The following TRDN variants were observed in gnomAD, a reference collection of about 807,000 sequenced individuals.
TRDN encodes triadin in skeletal muscle.
Under a neutral mutation model 149.7 loss-of-function variants are expected in TRDN, and 161 were observed. The observed-to-expected ratio is 1.08, with a 90% CI of 0.95 to 1.23. The LOEUF (loss-of-function observed/expected upper bound fraction) is 1.23. Ranked by LOEUF, TRDN falls within the 50% of genes most tolerant of loss-of-function variation. The probability of loss-of-function intolerance (pLI) is 0.00; values close to 1 mark genes in which losing one functional copy is unlikely to be tolerated. For missense variants in TRDN, 896 were observed against 823.5 expected, an observed-to-expected ratio of 1.09 and a Z score of -1.08; for synonymous variants, 294 against 250.5, an observed-to-expected ratio of 1.17 and a Z score of -1.64.
intron 38 of TRDN, among the ~76,000 whole-genome samples, chr6:123,250,155 CA>C: frequency 6.6e-6 from 1 of 152,100 alleles, no homozygotes; most frequent in East Asian, 1.9e-4. Flanking sequence ...AAGATCTCTA[CA>C]AGGAAAACTA....
At chr6:123,432,839 T>C (rs1189835262) in intron 12 of TRDN, among the ~76,000 whole-genome samples, 1 of 152,096 alleles carries the variant, frequency 6.6e-6, no homozygotes, top group Non-Finnish European at 1.5e-5. Flanking sequence ...TCTTAACTTT[T>C]CCTTTAATAT....
intron 8 of TRDN, chr6:123,498,725 C>A: frequency 2.5e-6 from 1 of 405,098 alleles, no homozygotes; most frequent in Non-Finnish European, 5.2e-6. Flanking sequence ...CTGAACAAAA[C>A]TGTAGAACTG....
At chr6:123,338,860 AG>A (rs1017018498) in intron 21 of TRDN, among the ~76,000 whole-genome samples, 70 of 152,302 alleles carry the variant, frequency 4.6e-4, no homozygotes, top group African/African-American at 1.5e-3. Context: ...TATAGATAAT[AG>A]GGAAAGAATT....
chr6:123,259,655 C>T lies in TRDN; in HGVS notation c.1839G>A (p.Lys613=), dbSNP rs901388998. Reference sequence around the variant, plus strand: ...TTTCTTTTTCAGATATTTCAGTTTTCTTCTTTCCTAGGGGAAAGAAAAACA... The same window carrying T: ...TTTCTTTTTCAGATATTTCAGTTTTTTTCTTTCCTAGGGGAAAGAAAAACA... ...GTSEVTESGK[K]KTEISEKESK... Residue 613 remains lysine (K), a synonymous_variant, in exon 35 of 41, where the codon AAG becomes AAA. Coordinates refer to ENST00000334268, the MANE Select transcript of TRDN (RefSeq NM_006073.4). 6.8e-7 allele frequency: 1 copy of T among 1,467,190 alleles called. No individual in the cohort carries two copies. Among genetic ancestry groups the T allele is most frequent in the Non-Finnish European group, 9.2e-7 (1 of 1,085,292 alleles). 90.9% of individuals were successfully genotyped at this position (1,467,190 alleles called of 1,614,324 possible).
intron 13 of TRDN, among the ~76,000 whole-genome samples, chr6:123,389,032 G>C (rs1168085972): frequency 2.0e-5 from 3 of 151,970 alleles, no homozygotes; most frequent in African/African-American, 7.2e-5. Flanking sequence ...TTTCAGGAAG[G>C]GAAAATAAAT....
At chr6:123,485,860 AT>A (rs1047282124) in intron 9 of TRDN, among the ~76,000 whole-genome samples, 2 of 151,782 alleles carry the variant, frequency 1.3e-5, no homozygotes, top group African/African-American at 4.8e-5. Context: ...ATTCTATTTA[AT>A]TTTTTTCTCT....
At chr6:123,579,519 G>A (rs1266597288) in intron 1 of TRDN, among the ~76,000 whole-genome samples, 2 of 152,160 alleles carry the variant, frequency 1.3e-5, no homozygotes, top group African/African-American at 4.8e-5. Flanking sequence ...TTAGCTTTTT[G>A]ATGTGCTGAC....
chr6:123,423,991 G>A (rs576213853), intron 12 of TRDN, among the ~76,000 whole-genome samples: 1 of 152,130 alleles, frequency 6.6e-6, no homozygotes, highest in East Asian at 1.9e-4. Context: ...AACCCCATTT[G>A]AGCCTACATG....
intron 37 of TRDN, among the ~76,000 whole-genome samples, chr6:123,254,554 T>C (rs1384883961): frequency 6.6e-6 from 1 of 152,056 alleles, no homozygotes; most frequent in Non-Finnish European, 1.5e-5. Context: ...TAATTTAGTA[T>C]AAACGTTATT....
At chr6:123,533,125 T>C (rs1780330843) in intron 4 of TRDN, among the ~76,000 whole-genome samples, 1 of 152,112 alleles carries the variant, frequency 6.6e-6, no homozygotes, top group South Asian at 2.1e-4. Flanking sequence ...TTACTCCTAG[T>C]AGGTATTAAT....
chr6:123,495,017 A>T (rs1402498439), intron 9 of TRDN, among the ~76,000 whole-genome samples: 3 of 151,764 alleles, frequency 2.0e-5, no homozygotes, highest in Non-Finnish European at 4.4e-5. Context: ...TATAGGCATG[A>T]CCCACCTGGC....
At chr6:123,419,399 C>G (rs61690463) in intron 12 of TRDN, among the ~76,000 whole-genome samples, 2,980 of 152,194 alleles carry the variant, frequency 0.02, 107 homozygotes, top group African/African-American at 0.067. Flanking sequence ...GTTTTAGAGA[C>G]AGGGTCTCAC....
In TRDN at chr6:123,218,711, A is replaced by G. The variant is rs1279513707; in HGVS notation, c.2080T>C (p.Leu694=). ...AATCCATAGCCATTGTACCCATCCA[A>G]GTAGACACACTGGAAGAAACTGATG... ...SPISFFQCVY[L]DGYNGYGFQF... is the part of the protein sequence containing the mutation. The change falls in exon 41 of 41, where the codon TTG becomes CTG. Residue 694 remains leucine (L), a synonymous_variant. Coordinates refer to ENST00000334268, the MANE Select transcript of TRDN (RefSeq NM_006073.4). The G allele has an allele frequency of 1.9e-6, 3 of 1,586,634 alleles. No individual in the cohort carries two copies. Among genetic ancestry groups the G allele is most frequent in the Admixed American group, 3.6e-5 (2 of 55,292 alleles).
At chr6:123,333,686 A>G (rs557605344) in intron 22 of TRDN, among the ~76,000 whole-genome samples, 1 of 152,156 alleles carries the variant, frequency 6.6e-6, no homozygotes, top group Admixed American at 6.6e-5. Flanking sequence ...TCTGACAAAA[A>G]AGTGAAGAGA....
intron 5 of TRDN, among the ~76,000 whole-genome samples, chr6:123,526,615 T>TTCATAGAACAA (rs1779965060): frequency 6.6e-6 from 1 of 152,100 alleles, no homozygotes; most frequent in Non-Finnish European, 1.5e-5. Flanking sequence ...TGTTAGATTG[T>TTCATAGAACAA]TCTATGAAGA....
rs1285260691 is a variant in TRDN, at chr6:123,419,481, C to T, written c.1051+18582G>A. On this transcript the variant is annotated intron_variant, in intron 12 of 40. Coordinates refer to ENST00000334268, the MANE Select transcript of TRDN (RefSeq NM_006073.4). ...CTCTATTTCCTGGGTTCAAATGATG[C>T]CCCTGCCTCAGCCTCCAAAGTAGCT... Among the ~76,000 whole-genome samples the T allele has an allele frequency of 5.3e-5, 8 of 152,208 alleles. No individual in the cohort carries two copies. The East Asian group carries it at 1.5e-3, about 29-fold the overall frequency.
At chr6:123,439,802 A>T (rs1774772847) in intron 10 of TRDN, 1 of 152,214 alleles carries the variant, frequency 6.6e-6, no homozygotes, top group Non-Finnish European at 1.5e-5. Context: ...TTTAGATAAC[A>T]AAGTCCTGTA....
In TRDN at chr6:123,273,019, T is replaced by C. The variant is rs776538507; in HGVS notation, c.1625-8A>G. On this transcript the variant is annotated splice_region_variant and splice_polypyrimidine_tract_variant and intron_variant, in intron 28 of 40. Coordinates refer to ENST00000334268, the MANE Select transcript of TRDN (RefSeq NM_006073.4). ...GTTTCACTATGTCTTGTTCTGAAAA[T>C]AATAAAAAGAAAATCTTTTTTAGGT... 5 of 1,488,270 alleles carry C rather than the reference T, an allele frequency of 3.4e-6. No homozygotes were observed. The highest frequency in any genetic ancestry group is 4.5e-6 in the Non-Finnish European group (5 of 1,120,000). The allele number at this position is 1,488,270 out of a possible 1,614,324, so 92.2% of individuals were successfully genotyped here.
intron 14 of TRDN, among the ~76,000 whole-genome samples, chr6:123,382,849 T>C (rs1264832201): frequency 6.6e-6 from 1 of 152,060 alleles, no homozygotes; most frequent in Non-Finnish European, 1.5e-5. Flanking sequence ...CTCCCACCAC[T>C]TGAAAATGAA....
Sources: allele counts gnomAD v4.1 joint callset (sites outside exome capture counted in the v4.1 genomes callset), GRCh38; gene constraint gnomAD v4.1.1; transcripts MANE v1.5; gene names NCBI Gene and HGNC (gene_info 2026-07-23, HGNC 2026-07-21).